Variants in RXRG observed in about 807,000 individuals in gnomAD.
RXRG encodes the protein retinoid X receptor gamma, also known as retinoic acid receptor RXR-gamma.
RXRG carries 19 observed loss-of-function variants against 49.2 expected under a neutral mutation model. The observed-to-expected ratio is 0.39, with a 90% CI of 0.27 to 0.57. The LOEUF (loss-of-function observed/expected upper bound fraction) is 0.57. Ranked by LOEUF, RXRG falls within the 20% of genes least tolerant of loss-of-function variation. The pLI, the probability that RXRG is intolerant of heterozygous loss-of-function variation, is 0.64. For synonymous variants in RXRG, 224 were observed against 216.6 expected (o/e 1.03, Z -0.30); for missense variants, 452 against 592.5 (o/e 0.76, Z 2.46).
intron 3 of RXRG, among the ~76,000 whole-genome samples, chr1:165,419,545 G>A (rs1658240749): frequency 2.0e-5 from 3 of 151,992 alleles, no homozygotes; most frequent in Non-Finnish European, 1.5e-5. Flanking sequence ...AAAGCACTGG[G>A]ATTATAGGTG....
intron 5 of RXRG, 43 bp downstream of exon 5, chr1:165,410,906 T>C (rs1236857736): frequency 6.2e-7 from 1 of 1,612,920 alleles, no homozygotes; most frequent in African/African-American, 1.3e-5. Flanking sequence ...TTTCCAGCCC[T>C]ACCCAAGAAA....
At chr1:165,425,228 G>A (rs1658447123) in intron 2 of RXRG, among the ~76,000 whole-genome samples, 1 of 152,164 alleles carries the variant, frequency 6.6e-6, no homozygotes, top group African/African-American at 2.4e-5. Context: ...AGCCTCAGAG[G>A]GATGGTGCCT....
intron 1 of RXRG, among the ~76,000 whole-genome samples, chr1:165,436,635 A>G (rs930950143): frequency 1.3e-5 from 2 of 152,310 alleles, no homozygotes; most frequent in African/African-American, 4.8e-5. Flanking sequence ...CGTTTTAACA[A>G]ATCATCCCAG....
intron 9 of RXRG, among the ~76,000 whole-genome samples, chr1:165,405,989 A>G (rs1657732308): frequency 6.6e-6 from 1 of 152,276 alleles, no homozygotes; most frequent in South Asian, 2.1e-4. Context: ...ATGTAAAATT[A>G]ATCCCCCAAA....
chr1:165,429,501 G>A (rs953467484), intron 1 of RXRG, among the ~76,000 whole-genome samples: 71 of 152,304 alleles, frequency 4.7e-4, no homozygotes, highest in African/African-American at 1.5e-3. Context: ...GCACACAGTC[G>A]CTGACATCAG....
intron 7 of RXRG, among the ~76,000 whole-genome samples, chr1:165,408,659 A>G (rs1044093136): frequency 4.6e-5 from 7 of 152,304 alleles, no homozygotes; most frequent in Admixed American, 2.0e-4. Flanking sequence ...CAGGCACAGC[A>G]AGGTAAGGGG....
chr1:165,440,063 A>T (rs765701292), intron 1 of RXRG, among the ~76,000 whole-genome samples: 16 of 152,190 alleles, frequency 1.1e-4, no homozygotes, highest in Non-Finnish European at 1.9e-4. Context: ...GAGAAAGGCC[A>T]GGGTCAAAAT....
Position 165,444,960 on chromosome 1 carries a change from A to G in RXRG, c.-67T>C. 1 of 1,483,558 alleles carries G rather than the reference A, an allele frequency of 6.7e-7. No homozygotes were observed. The highest frequency in any genetic ancestry group is 9.4e-7 in the Non-Finnish European group (1 of 1,061,318). The allele number at this position is 1,483,558 out of a possible 1,614,324, so 91.9% of individuals were successfully genotyped here. On this transcript the variant is annotated 5_prime_UTR_variant, in exon 1 of 10. Coordinates refer to ENST00000359842, the MANE Select transcript of RXRG (RefSeq NM_006917.5). ...AATATTACCGCCTCTCTCGGCTCCC[A>G]GGCACAGCCCGGCTTTCTTCAACTT...
chr1:165,416,733 T>C (rs1269940965), intron 4 of RXRG, among the ~76,000 whole-genome samples: 1 of 152,132 alleles, frequency 6.6e-6, no homozygotes, highest in Non-Finnish European at 1.5e-5. Flanking sequence ...ACGGTCCAGT[T>C]TGGGGATCAC....
chr1:165,444,831 A>G lies in RXRG; in HGVS notation c.49+14T>C, dbSNP rs760735436. On this transcript the variant is annotated intron_variant, in intron 1 of 9. Transcript: ENST00000359842. The stretch of plus-strand genomic sequence containing the variant: ...ATACAGGTCCACGCAGTGAAGCCCA[A>G]GGGAGATACTTACCTCCATAGCCTG... 23 of 1,612,984 alleles carry G rather than the reference A, an allele frequency of 1.4e-5. No homozygotes were observed. In the Admixed American group the frequency reaches 3.8e-4, roughly 27 times the overall value.
At chr1:165,424,792 T>A in intron 2 of RXRG, 1 of 985,486 alleles carries the variant, frequency 1.0e-6, no homozygotes, top group Non-Finnish European at 1.2e-6. Context: ...CCATCATGAA[T>A]CCCTCTCAGA....
At chr1:165,409,509 AC>A in intron 7 of RXRG, 48 bp downstream of exon 7, 3 of 1,378,308 alleles carry the variant, frequency 2.2e-6, no homozygotes, top group East Asian at 5.5e-5. Context: ...ACACACACAC[AC>A]ACACACACAC....
At chr1:165,442,031 T>C (rs1467236746) in intron 1 of RXRG, among the ~76,000 whole-genome samples, 1 of 152,174 alleles carries the variant, frequency 6.6e-6, no homozygotes, top group Non-Finnish European at 1.5e-5. Flanking sequence ...TTCCAAAAGG[T>C]GACTTTGCTT....
chr1:165,422,598 T>C (rs180946165), intron 2 of RXRG, among the ~76,000 whole-genome samples: 260 of 152,316 alleles, frequency 1.7e-3, no homozygotes, highest in African/African-American at 5.8e-3. Context: ...GGAGCAAACA[T>C]GTCCAGTGGA....
At chr1:165,429,028 C>G (rs1323057880) in intron 1 of RXRG, 62 bp from the exon 2 acceptor site, 12 of 1,550,942 alleles carry the variant, frequency 7.7e-6, no homozygotes, top group South Asian at 1.2e-5. Flanking sequence ...CCCTGGGGGA[C>G]AGAGGCCTAG....
At chr1:165,416,582 CAG>C (rs1646410016) in intron 4 of RXRG, among the ~76,000 whole-genome samples, 1 of 152,122 alleles carries the variant, frequency 6.6e-6, no homozygotes, top group South Asian at 2.1e-4. Context: ...CAGTTTGCCC[CAG>C]AGAGAGACCT....
chr1:165,422,341 T>C (rs186730433), intron 2 of RXRG, among the ~76,000 whole-genome samples: 31 of 152,300 alleles, frequency 2.0e-4, no homozygotes, highest in Admixed American at 1.7e-3. Flanking sequence ...TCAGGAACAA[T>C]ATGGAGATCC....
At chr1:165,405,131 T>G (rs1203264638) in intron 9 of RXRG, among the ~76,000 whole-genome samples, 3 of 151,884 alleles carry the variant, frequency 2.0e-5, no homozygotes, top group African/African-American at 7.3e-5. Context: ...TGAGTTGGAG[T>G]TTTTTGTTGG....
At chr1:165,417,014 C>T (rs112854520) in intron 4 of RXRG, 27 bp downstream of exon 4, 32 of 1,594,726 alleles carry the variant, frequency 2.0e-5, no homozygotes, top group East Asian at 4.5e-5. Context: ...TCTCCGGACA[C>T]GAGTTTTGGA....
Sources: allele counts gnomAD v4.1 joint callset (sites outside exome capture counted in the v4.1 genomes callset), GRCh38; gene constraint gnomAD v4.1.1; transcripts MANE v1.5; gene names NCBI Gene and HGNC (gene_info 2026-07-23, HGNC 2026-07-21).